NALCN: variants seen among roughly 807,000 people sequenced by gnomAD.
NALCN encodes the protein sodium leak channel NALCN.
NALCN carries 111 observed loss-of-function variants against 225.3 expected under a neutral mutation model. The observed-to-expected ratio is 0.49, with a 90% CI of 0.42 to 0.58. The LOEUF is 0.58. Ranked by LOEUF, NALCN falls within the 20% of genes least tolerant of loss-of-function variation. The pLI is 0.00. For synonymous variants in NALCN, 764 were observed against 769.0 expected, an observed-to-expected ratio of 0.99 and a Z score of 0.11; for missense variants, 1,378 against 2,202.4, an observed-to-expected ratio of 0.63 and a Z score of 7.49.
intron 13 of NALCN, among the ~76,000 whole-genome samples, chr13:101,227,862 T>G (rs2041205659): frequency 6.6e-6 from 1 of 152,256 alleles, no homozygotes; most frequent in East Asian, 1.9e-4. Flanking sequence ...AAGAAGGATT[T>G]GCTCACCTCA....
chr13:101,057,289 C>T (rs907489961), intron 43 of NALCN: 1 of 153,306 alleles, frequency 6.5e-6, no homozygotes, highest in Non-Finnish European at 1.5e-5. Flanking sequence ...CTTTCCAAAA[C>T]CCTATAGAGA....
At chr13:101,347,694 G>C (rs968191749) in intron 6 of NALCN, among the ~76,000 whole-genome samples, 6 of 152,268 alleles carry the variant, frequency 3.9e-5, no homozygotes, top group Middle Eastern at 3.4e-3. Flanking sequence ...TTTACTGGTT[G>C]TGTGACTTAA....
At chr13:101,235,236 A>G (rs12585302) in intron 12 of NALCN, among the ~76,000 whole-genome samples, 35,868 of 151,964 alleles carry the variant, frequency 0.24, 4,517 homozygotes, top group East Asian at 0.36. Context: ...TGTCATTTAA[A>G]CAGTTTTCTT....
chr13:101,237,679 T>A, intron 12 of NALCN, 76 bp downstream of exon 12: 1 of 842,766 alleles, frequency 1.2e-6, no homozygotes, highest in Non-Finnish European at 1.7e-6. Flanking sequence ...TCTATGTGGT[T>A]GTTAAAATAA....
In NALCN at chr13:101,075,932, T is replaced by C. The variant is rs774060131; in HGVS notation, c.3895A>G (p.Thr1299Ala). 12 of 1,608,072 alleles carry C rather than the reference T, an allele frequency of 7.5e-6. No homozygotes were observed. Among genetic ancestry groups the C allele is most frequent in the Middle Eastern group, 1.7e-4 (1 of 6,058 alleles). The change falls in exon 35 of 44, where the codon ACT (threonine) becomes GCT (alanine). Residue 1299 changes from threonine (T) to alanine (A), a missense_variant. Physicochemically the swap from Thr to Ala is moderately conservative, Grantham distance 58 (BLOSUM62 0). This residue lies in a region of NALCN where 98 missense variants were observed against 156.6 expected (regional missense o/e 0.63). Transcript: ENST00000251127. Reference sequence around the variant, plus strand: ...ATCACACAAGCGCCCATCATGTAAGTATATGCATTCTGAAATTTAAACAGA... The same window carrying C: ...ATCACACAAGCGCCCATCATGTAAGCATATGCATTCTGAAATTTAAACAGA... Reference protein sequence around the residue: ...VLHFALLNAYTYMMGACVIVF... With the variant: ...VLHFALLNAYAYMMGACVIVF...
intron 7 of NALCN, among the ~76,000 whole-genome samples, chr13:101,332,192 G>C (rs1455391847): frequency 1.3e-5 from 2 of 152,026 alleles, no homozygotes; most frequent in Admixed American, 1.3e-4. Flanking sequence ...GAAGAGAGCT[G>C]TTTTGAGAAG....
At chr13:101,265,706 C>T (rs2042574270) in intron 10 of NALCN, among the ~76,000 whole-genome samples, 1 of 152,182 alleles carries the variant, frequency 6.6e-6, no homozygotes, top group Non-Finnish European at 1.5e-5. Flanking sequence ...GATACTTTTG[C>T]ATCCCCTTTT....
chr13:101,139,221 C>T (rs2036947490), intron 17 of NALCN, among the ~76,000 whole-genome samples: 1 of 152,188 alleles, frequency 6.6e-6, no homozygotes, highest in Admixed American at 6.5e-5. Flanking sequence ...ATGGGAATTA[C>T]TCATCCCTGT....
chr13:101,068,801 A>G lies in NALCN; in HGVS notation c.4224T>C (p.Asp1408=). 4 of 1,611,664 alleles carry G rather than the reference A, an allele frequency of 2.5e-6. No homozygotes were observed. Among genetic ancestry groups the G allele is most frequent in the Non-Finnish European group, 3.4e-6 (4 of 1,179,060 alleles). ...AGTCTGTTGCCCAGTATGTAAATTC[A>G]TCTGGAGTACAAAACGGAGGCTGAA... The part of the protein sequence containing the change: ...CMVQPPFCTP[D]EFTYWATDCG... Residue 1408 remains aspartate, a synonymous_variant, in exon 38 of 44, where the codon GAT becomes GAC. Transcript: ENST00000251127.
chr13:101,254,084 C>CA (rs1488376536), intron 11 of NALCN, among the ~76,000 whole-genome samples: 1 of 151,884 alleles, frequency 6.6e-6, no homozygotes, highest in African/African-American at 2.4e-5. Context: ...CACACAAAAT[C>CA]AAAAACAGAG....
chr13:101,065,968 G>A (rs1375225047), intron 39 of NALCN, among the ~76,000 whole-genome samples: 4 of 152,162 alleles, frequency 2.6e-5, no homozygotes, highest in South Asian at 4.1e-4. Flanking sequence ...AGACACACAC[G>A]TGTAATCCTC....
At chr13:101,246,313 T>C (rs2041895216) in intron 11 of NALCN, among the ~76,000 whole-genome samples, 1 of 152,130 alleles carries the variant, frequency 6.6e-6, no homozygotes, top group African/African-American at 2.4e-5. Context: ...GCAGTCTCTG[T>C]TTTCTAATTT....
rs1214235110 is a variant in NALCN at position 101,226,686 on chromosome 13, C to T, written c.1626+2707G>A. Among the ~76,000 whole-genome samples the T allele has an allele frequency of 5.9e-5, 9 of 152,090 alleles. No homozygotes were observed. In the East Asian group the frequency reaches 1.2e-3, roughly 20 times the overall value. ...GCAAGGCCTTGCCTGGGAGACCTCC[C>T]GGGGACCACTGCCATCCCCACCCTA... is the stretch of plus-strand genomic sequence containing the variant. On this transcript the variant is annotated intron_variant, in intron 13 of 43. Transcript: ENST00000251127.
chr13:101,206,734 AT>A, intron 13 of NALCN, among the ~76,000 whole-genome samples: 1 of 149,382 alleles, frequency 6.7e-6, no homozygotes, highest in African/African-American at 2.5e-5. Context: ...TTAAATATAT[AT>A]ATATATATAT....
intron 38 of NALCN, 119 bp downstream of exon 38, chr13:101,068,576 A>G (rs1302590027): frequency 9.2e-7 from 1 of 1,091,582 alleles, no homozygotes; most frequent in Non-Finnish European, 1.2e-6. Flanking sequence ...ACAACAATTT[A>G]TAATTAATGC....
intron 34 of NALCN, among the ~76,000 whole-genome samples, chr13:101,080,140 T>C (rs2033529535): frequency 6.6e-6 from 1 of 152,138 alleles, no homozygotes; most frequent in South Asian, 2.1e-4. Flanking sequence ...TGAAGTTATA[T>C]TGGCCATTCA....
In NALCN at chr13:101,068,967, A is replaced by T. The variant is rs140275429; in HGVS notation, c.4198-140T>A. The T allele has an allele frequency of 2.7e-4, 217 of 796,760 alleles. 3 individuals carry two copies. The East Asian group carries it at 6.6e-3, about 24-fold the overall frequency. The allele number at this position is 796,760 out of a possible 1,614,324, so 49.4% of individuals were successfully genotyped here. On this transcript the variant is annotated intron_variant, in intron 37 of 43. Transcript: ENST00000251127. ...AAGTAAGCTTTCAAAAGCCACATAC[A>T]TTGGGTACATCATCTGTAGCAGAAA...
chr13:101,174,556 T>C (rs1047867198), intron 15 of NALCN, among the ~76,000 whole-genome samples: 5 of 152,084 alleles, frequency 3.3e-5, no homozygotes, highest in African/African-American at 7.2e-5. Flanking sequence ...GATATAAAGA[T>C]GACAAAAAAT....
rs1441655977 is a variant in NALCN at position 101,229,533 on chromosome 13, C to A, written c.1486G>T (p.Val496Leu). ...TTTCCAGGACCAAATATCTTGTACACAAAGTCTTCTAATGCAGGTGAAATC... is the reference window on the plus strand; with the variant it reads ...TTTCCAGGACCAAATATCTTGTACAAAAAGTCTTCTAATGCAGGTGAAATC... ...IKISPALEDFVYKIFGPGKKL... is the reference protein window; with the variant it reads ...IKISPALEDFLYKIFGPGKKL... The change falls in exon 13 of 44, where the codon GTG becomes TTG. Residue 496 changes from valine (V) to leucine (L), a missense_variant. Around this residue, in one of 19 missense-constraint regions of NALCN, gnomAD observed 12 missense variants for 50.5 expected, o/e 0.24. Coordinates refer to ENST00000251127, the MANE Select transcript of NALCN (RefSeq NM_052867.4). The A allele has an allele frequency of 6.2e-7, 1 of 1,610,374 alleles. No homozygotes were observed. Among genetic ancestry groups the A allele is most frequent in the Non-Finnish European group, 8.5e-7 (1 of 1,178,604 alleles).
Sources: gnomAD v4.1 joint callset for allele counts (sites outside exome capture counted in the v4.1 genomes callset) on GRCh38, gnomAD v4.1.1 for gene constraint, gnomAD v4.1.1 regional missense constraint, MANE v1.5 for transcripts, NCBI Gene and HGNC (gene_info 2026-07-23, HGNC 2026-07-21) for gene names.